Variants in ZMYND8 observed in about 807,000 individuals in gnomAD.
ZMYND8 encodes the protein zinc finger MYND-type containing 8.
A neutral mutation model predicts 140.8 loss-of-function variants in ZMYND8; 37 were observed. The ratio of observed to expected loss-of-function variants is 0.26; its 90% CI spans 0.20 to 0.35. The LOEUF is 0.35. Among genes scored for constraint, ZMYND8 ranks in the 10% least tolerant of loss-of-function variants. The pLI is 1.00. For synonymous variants in ZMYND8, 592 were observed against 597.1 expected (o/e 0.99, Z 0.12); for missense variants, 1,068 against 1,570.0 (o/e 0.68, Z 5.40).
intron 3 of ZMYND8, among the ~76,000 whole-genome samples, chr20:47,301,324 T>C (rs1335051122): frequency 6.6e-6 from 1 of 151,834 alleles, no homozygotes; most frequent in Non-Finnish European, 1.5e-5. Flanking sequence ...CCAGGTAATT[T>C]TTTGTATTTT....
chr20:47,253,795 G>A (rs974103333), intron 12 of ZMYND8, among the ~76,000 whole-genome samples: 1 of 152,166 alleles, frequency 6.6e-6, no homozygotes, highest in African/African-American at 2.4e-5. Flanking sequence ...CAGTAAATGC[G>A]ACCCATTAAC....
At chr20:47,345,397 G>C (rs2148577291) in intron 2 of ZMYND8, among the ~76,000 whole-genome samples, 1 of 152,052 alleles carries the variant, frequency 6.6e-6, no homozygotes, top group East Asian at 1.9e-4. Context: ...GGAAACAAAG[G>C]TAAACAGGGC....
intron 2 of ZMYND8, among the ~76,000 whole-genome samples, chr20:47,337,799 C>T (rs769862957): frequency 2.0e-5 from 3 of 152,026 alleles, no homozygotes; most frequent in Non-Finnish European, 4.4e-5. Flanking sequence ...CTTGAAAGCT[C>T]GAAAGCTTTG....
At chr20:47,252,868 G>A (rs1322069706) in intron 12 of ZMYND8, among the ~76,000 whole-genome samples, 7 of 152,270 alleles carry the variant, frequency 4.6e-5, no homozygotes, top group South Asian at 2.1e-4. Flanking sequence ...GCAGTGAGCC[G>A]AGATCAGGCC....
chr20:47,310,676 C>T (rs2078853085), intron 2 of ZMYND8, among the ~76,000 whole-genome samples: 1 of 151,280 alleles, frequency 6.6e-6, no homozygotes, highest in African/African-American at 2.4e-5. Context: ...ATCCCAGCTA[C>T]TCGGGAGGCT....
At chr20:47,235,423 G>A (rs1403188482) in intron 16 of ZMYND8, among the ~76,000 whole-genome samples, 1 of 152,122 alleles carries the variant, frequency 6.6e-6, no homozygotes, top group Non-Finnish European at 1.5e-5. Context: ...GCACTTGGCA[G>A]GCCGGGCCTG....
chr20:47,340,183 G>T (rs555148452), intron 2 of ZMYND8, among the ~76,000 whole-genome samples: 1 of 151,930 alleles, frequency 6.6e-6, no homozygotes, highest in Non-Finnish European at 1.5e-5. Flanking sequence ...CTCATGATCC[G>T]CCTCTCAAAG....
intron 2 of ZMYND8, among the ~76,000 whole-genome samples, chr20:47,324,334 T>A (rs1398448574): frequency 6.6e-6 from 1 of 151,158 alleles, no homozygotes; most frequent in Non-Finnish European, 1.5e-5. Context: ...CAGGCCAACA[T>A]GGTAAAACCC....
intron 9 of ZMYND8, among the ~76,000 whole-genome samples, chr20:47,282,652 G>A (rs2076677004): frequency 6.6e-6 from 1 of 151,798 alleles, no homozygotes; most frequent in African/African-American, 2.4e-5. Context: ...TTGAACGCAG[G>A]AGGTGGAGGT....
intron 2 of ZMYND8, among the ~76,000 whole-genome samples, chr20:47,328,964 TG>T (rs1346203191): frequency 6.6e-6 from 1 of 152,190 alleles, no homozygotes; most frequent in African/African-American, 2.4e-5. Context: ...GCATATCCTG[TG>T]GAACTTTACC....
intron 1 of ZMYND8, chr20:47,355,385 C>T (rs2083138808): frequency 1.0e-6 from 1 of 958,248 alleles, no homozygotes; most frequent in East Asian, 1.1e-4. Flanking sequence ...CTATTACAAA[C>T]AGACCCCAAA....
chr20:47,334,205 C>T (rs1283206858), intron 2 of ZMYND8, among the ~76,000 whole-genome samples: 2 of 152,158 alleles, frequency 1.3e-5, no homozygotes, highest in East Asian at 3.9e-4. Context: ...CTGGGAGGTG[C>T]CTGGCACCCC....
intron 2 of ZMYND8, among the ~76,000 whole-genome samples, chr20:47,310,864 C>T (rs1372075124): frequency 3.2e-4 from 49 of 151,952 alleles, no homozygotes; most frequent in Non-Finnish European, 4.4e-5. Flanking sequence ...ACAGCTACCC[C>T]ACTTTTAGAT....
intron 7 of ZMYND8, among the ~76,000 whole-genome samples, chr20:47,288,707 G>A (rs552838656): frequency 4.5e-4 from 69 of 152,246 alleles, no homozygotes; most frequent in African/African-American, 1.5e-3. Flanking sequence ...CATTCTTAAT[G>A]CCTAGTGCCT....
At chr20:47,265,049 T>G (rs1441326552) in intron 11 of ZMYND8, among the ~76,000 whole-genome samples, 1 of 103,614 alleles carries the variant, frequency 9.7e-6, no homozygotes. Flanking sequence ...AAAAAATATA[T>G]ATACATATAT....
intron 21 of ZMYND8, among the ~76,000 whole-genome samples, chr20:47,214,425 T>C (rs911766685): frequency 6.6e-6 from 1 of 152,214 alleles, no homozygotes; most frequent in African/African-American, 2.4e-5. Context: ...TTTCTGACCA[T>C]GGGCTCCATG....
chr20:47,216,495 C>CA (rs10536216), intron 21 of ZMYND8, among the ~76,000 whole-genome samples: 1,502 of 59,062 alleles, frequency 0.025, 79 homozygotes, highest in Non-Finnish European at 0.031. Context: ...GACTCTGTCT[C>CA]AAAAAAAAAA....
rs570908205 is a variant in ZMYND8 at position 47,329,295 on chromosome 20, G to A, written c.85+18561C>T. ...TTGCTCGAATGATGGCAATGTTCTC[G>A]ATCTGTTCTCTATCAGTGCTGTCTA... On this transcript the variant is annotated intron_variant, in intron 2 of 22. Transcript: ENST00000471951. Among the ~76,000 whole-genome samples the A allele has an allele frequency of 7.6e-4, 116 of 152,318 alleles. 1 individual carries two copies. Among genetic ancestry groups the A allele is most frequent in the African/African-American group, 2.8e-3 (115 of 41,560 alleles).
chr20:47,210,940 C>T (rs368691645), intron 22 of ZMYND8, 43 bp from the exon 23 acceptor site: 5 of 1,597,484 alleles, frequency 3.1e-6, no homozygotes, highest in East Asian at 2.2e-5. Flanking sequence ...TGCCCACCTG[C>T]GCCTGAGCAC....
Sources: gnomAD v4.1 joint callset for allele counts (sites outside exome capture counted in the v4.1 genomes callset) on GRCh38, gnomAD v4.1.1 for gene constraint, MANE v1.5 for transcripts, NCBI Gene and HGNC (gene_info 2026-07-23, HGNC 2026-07-21) for gene names.